NEO1: variants seen among roughly 807,000 people sequenced by gnomAD.
NEO1 encodes neogenin.
NEO1 carries 63 observed loss-of-function variants against 159.7 expected under a neutral mutation model. The observed-to-expected ratio is 0.39, with a 90% CI of 0.32 to 0.49. NEO1 has a LOEUF of 0.49. NEO1 is among the 20% of genes least tolerant of loss of function. The pLI, the probability that NEO1 is intolerant of heterozygous loss-of-function variation, is 0.85. For missense variants in NEO1, 1,615 were observed against 1,831.0 expected (o/e 0.88, Z 2.15); for synonymous variants, 633 against 662.0 (o/e 0.96, Z 0.67).
In NEO1 at chr15:73,126,276, C is replaced by A; in HGVS notation, c.725-141C>A. 3 of 635,480 alleles carry A rather than the reference C, an allele frequency of 4.7e-6. No homozygotes were observed. In the South Asian group the frequency reaches 6.5e-5, roughly 14 times the overall value. The allele number at this position is 635,480 out of a possible 1,614,324, so 39.4% of individuals were successfully genotyped here. On this transcript the variant is annotated intron_variant, in intron 3 of 28. Coordinates refer to ENST00000261908, the MANE Select transcript of NEO1 (RefSeq NM_002499.4). ...GTAATGATGGGGTCTTGCTATATTG[C>A]CTACGCTGGTCTCAAACTCCTGGGC...
At chr15:73,184,771 T>C (rs1397852243) in intron 7 of NEO1, among the ~76,000 whole-genome samples, 2 of 151,886 alleles carry the variant, frequency 1.3e-5, no homozygotes, top group Non-Finnish European at 2.9e-5. Flanking sequence ...CTACTAAAAA[T>C]ACAAAAATTA....
chr15:73,112,855 T>C (rs1242160287), intron 1 of NEO1, among the ~76,000 whole-genome samples: 2 of 152,210 alleles, frequency 1.3e-5, no homozygotes, highest in African/African-American at 2.4e-5. Flanking sequence ...CATTATCTGG[T>C]ACATAGAAAC....
At chr15:73,288,609 CTTTT>C in intron 24 of NEO1, 58 bp downstream of exon 24, 1 of 1,177,366 alleles carries the variant, frequency 8.5e-7, no homozygotes, top group Admixed American at 2.2e-5. Flanking sequence ...TCATTTAAAT[CTTTT>C]TTTTTTTCCC....
At chr15:73,126,981 C>A (rs1039862698) in intron 4 of NEO1, among the ~76,000 whole-genome samples, 3 of 152,156 alleles carry the variant, frequency 2.0e-5, no homozygotes. Flanking sequence ...CCTGTAATCC[C>A]AGCACTTCGG....
intron 26 of NEO1, among the ~76,000 whole-genome samples, chr15:73,295,147 A>ATAT (rs1238740275): frequency 7.9e-4 from 79 of 100,568 alleles, no homozygotes; most frequent in African/African-American, 2.1e-3. Flanking sequence ...TATATATGTA[A>ATAT]AAATTTGGCC....
intron 1 of NEO1, among the ~76,000 whole-genome samples, chr15:73,110,591 A>G (rs1011009815): frequency 8.5e-5 from 13 of 152,212 alleles, no homozygotes; most frequent in African/African-American, 3.1e-4. Context: ...TCTTTCTGTA[A>G]GATGGAATTC....
chr15:73,143,038 G>A (rs1430871971), intron 5 of NEO1, among the ~76,000 whole-genome samples: 1 of 152,232 alleles, frequency 6.6e-6, no homozygotes, highest in Non-Finnish European at 1.5e-5. Flanking sequence ...TGAGAAGAAA[G>A]AGGAAGAGGA....
rs372954084 is a variant in NEO1, at chr15:73,169,517, C to T, written c.1016-6886C>T. Among the ~76,000 whole-genome samples the T allele has an allele frequency of 5.3e-3, 811 of 151,924 alleles. 1 individual carries two copies. Among genetic ancestry groups the T allele is most frequent in the Non-Finnish European group, 9.0e-3 (612 of 67,902 alleles). On this transcript the variant is annotated intron_variant, in intron 5 of 28. Transcript: ENST00000261908. Reference sequence around the variant, plus strand: ...TAAAATCCAGAAAACATTTTAAGGGCATTATTTTATAATTCATGAAAGGGA... The same window carrying T: ...TAAAATCCAGAAAACATTTTAAGGGTATTATTTTATAATTCATGAAAGGGA...
Position 73,178,436 on chromosome 15 carries a change from G to T in NEO1, c.1291+9G>T, listed in dbSNP as rs76944250. On this transcript the variant is annotated intron_variant, in intron 7 of 28. Transcript: ENST00000261908. ...GATAATCCTTGAACATGGTAAGAAG[G>T]GCTGAAATAGTCAGATGATAGAGGC... 3,004 of 1,613,032 alleles carry T rather than the reference G, an allele frequency of 1.9e-3. 49 individuals are homozygous for T. In the African/African-American group the frequency reaches 0.035, roughly 19 times the overall value.
intron 8 of NEO1, among the ~76,000 whole-genome samples, chr15:73,240,882 C>T (rs1350723565): frequency 1.3e-5 from 2 of 152,186 alleles, no homozygotes; most frequent in Non-Finnish European, 2.9e-5. Context: ...AGTCGTAAGA[C>T]TATATCCTGG....
intron 22 of NEO1, among the ~76,000 whole-genome samples, chr15:73,281,340 C>G (rs1256766601): frequency 6.6e-6 from 1 of 151,506 alleles, no homozygotes; most frequent in Non-Finnish European, 1.5e-5. Context: ...CTGCAAGCTC[C>G]GCCTCCCAGG....
intron 11 of NEO1, among the ~76,000 whole-genome samples, chr15:73,252,570 C>G (rs1265425498): frequency 6.6e-6 from 1 of 152,204 alleles, no homozygotes; most frequent in African/African-American, 2.4e-5. Context: ...AGAAACTCCA[C>G]AAGAAAGCCA....
chr15:73,118,677 G>A (rs1013282435), intron 2 of NEO1, among the ~76,000 whole-genome samples: 6 of 152,078 alleles, frequency 3.9e-5, no homozygotes, highest in Admixed American at 2.6e-4. Flanking sequence ...AAGCAGCACC[G>A]TAGAAGGTGA....
chr15:73,132,417 AC>A (rs2031250232), intron 4 of NEO1, among the ~76,000 whole-genome samples: 2 of 152,302 alleles, frequency 1.3e-5, no homozygotes, highest in South Asian at 4.1e-4. Flanking sequence ...TTTCCCTAAG[AC>A]CTGAAACCAT....
chr15:73,067,945 G>C (rs971012922), intron 1 of NEO1, among the ~76,000 whole-genome samples: 8 of 151,860 alleles, frequency 5.3e-5, no homozygotes, highest in Non-Finnish European at 1.0e-4. Context: ...AGCTTGTGTG[G>C]GTTCCTGTTC....
At chr15:73,126,716 A>G (rs1232056597) in intron 4 of NEO1, 146 bp downstream of exon 4, 2 of 578,316 alleles carry the variant, frequency 3.5e-6, no homozygotes, top group African/African-American at 3.8e-5. Context: ...AAATATGTTC[A>G]TATGATATAT....
At chr15:73,092,876 A>G (rs1407592351) in intron 1 of NEO1, among the ~76,000 whole-genome samples, 4 of 152,204 alleles carry the variant, frequency 2.6e-5, no homozygotes, top group African/African-American at 7.2e-5. Flanking sequence ...CTATATTGAT[A>G]TATTAACTGA....
At chr15:73,185,401 A>C (rs965245552) in intron 7 of NEO1, among the ~76,000 whole-genome samples, 22 of 152,166 alleles carry the variant, frequency 1.4e-4, no homozygotes, top group African/African-American at 5.1e-4. Context: ...TTGGTACCTT[A>C]TGCTCAGTTT....
chr15:73,204,761 G>A (rs2037116305), intron 7 of NEO1, among the ~76,000 whole-genome samples: 2 of 152,102 alleles, frequency 1.3e-5, no homozygotes, highest in South Asian at 2.1e-4. Context: ...TTTTCTGATG[G>A]TTGTTTTGTT....
Sources: allele counts gnomAD v4.1 joint callset (sites outside exome capture counted in the v4.1 genomes callset), GRCh38; gene constraint gnomAD v4.1.1; transcripts MANE v1.5; gene names NCBI Gene and HGNC (gene_info 2026-07-23, HGNC 2026-07-21).